Variants in ACOXL observed in about 807,000 individuals in gnomAD.
The protein encoded by ACOXL is acyl-coenzyme A oxidase-like protein.
Under a neutral mutation model 71.9 loss-of-function variants are expected in ACOXL, and 70 were observed. The observed-to-expected ratio is 0.97, with a 90% confidence interval of 0.80 to 1.19. The LOEUF (loss-of-function observed/expected upper bound fraction) is 1.19. Among genes scored for constraint, ACOXL ranks in the 50% most tolerant of loss-of-function variants. The pLI is 0.00. For missense variants in ACOXL, 703 were observed against 736.3 expected, an observed-to-expected ratio of 0.95 and a Z score of 0.52; for synonymous variants, 253 against 281.6, an observed-to-expected ratio of 0.90 and a Z score of 1.02.
chr2:111,104,980 C>A (rs2069437546), intron 17 of ACOXL, among the ~76,000 whole-genome samples: 1 of 152,016 alleles, frequency 6.6e-6, no homozygotes, highest in Admixed American at 6.6e-5. Context: ...GAGCCATGAT[C>A]CATTTTTAGT....
At chr2:111,114,822 C>G (rs796837219) in intron 17 of ACOXL, among the ~76,000 whole-genome samples, 7 of 151,880 alleles carry the variant, frequency 4.6e-5, no homozygotes, top group African/African-American at 1.2e-4. Context: ...AAATTGAGTA[C>G]TGCAACTAGA....
At chr2:110,990,400 T>C (rs898402196) in intron 13 of ACOXL, among the ~76,000 whole-genome samples, 12 of 152,242 alleles carry the variant, frequency 7.9e-5, no homozygotes, top group African/African-American at 2.9e-4. Flanking sequence ...AGAAATTTCT[T>C]TTAAATGTGT....
chr2:110,875,952 T>G (rs994016715), intron 10 of ACOXL, among the ~76,000 whole-genome samples: 1 of 152,136 alleles, frequency 6.6e-6, no homozygotes, highest in Non-Finnish European at 1.5e-5. Context: ...CCCTGGAGTC[T>G]GTGTAAATCC....
rs1239863029 is a variant in ACOXL at position 110,967,739 on chromosome 2, A to C, written c.1060-19369A>C. On this transcript the variant is annotated intron_variant, in intron 12 of 17. Transcript: ENST00000439055. ...TCAATGGTTAACACAACTACTAGAC[A>C]GCAAATCAGAAAGGATATGAAAGAA... 4 of 523,352 alleles carry C rather than the reference A, an allele frequency of 7.6e-6. No homozygotes were observed. In the African/African-American group the frequency reaches 7.7e-5, roughly 10 times the overall value. 32.4% of individuals were successfully genotyped at this position (523,352 alleles called of 1,614,324 possible).
intron 9 of ACOXL, among the ~76,000 whole-genome samples, chr2:110,827,341 AGAG>A (rs1317519071): frequency 2.0e-5 from 3 of 152,148 alleles, no homozygotes; most frequent in Non-Finnish European, 2.9e-5. Flanking sequence ...TCTAGGATGA[AGAG>A]GAATTTGAAA....
chr2:111,095,186 C>T (rs1211512553), intron 17 of ACOXL, among the ~76,000 whole-genome samples: 2 of 148,932 alleles, frequency 1.3e-5, no homozygotes, highest in Non-Finnish European at 3.0e-5. Flanking sequence ...AAAGAGAGTG[C>T]CCACTTTGGG....
At position 110,986,723 on chromosome 2, in the gene ACOXL, C is replaced by A. The variant is rs1558829724; in HGVS notation, c.1060-385C>A. ...TTATTTGTGCATTTCAATACTATTCCCCAAAGGTCTAATTGACCAGAGAAT... is the reference window on the plus strand; with the variant it reads ...TTATTTGTGCATTTCAATACTATTCACCAAAGGTCTAATTGACCAGAGAAT... On this transcript the variant is annotated intron_variant, in intron 12 of 17. Coordinates refer to ENST00000439055, the MANE Select transcript of ACOXL (RefSeq NM_001142807.4). 6.6e-5 allele frequency among the ~76,000 whole-genome samples: 10 copies of A among 152,076 alleles called. 1 individual carries two copies. The South Asian group carries it at 2.1e-3, about 32-fold the overall frequency.
chr2:111,102,691 T>C (rs2069254232), intron 17 of ACOXL, among the ~76,000 whole-genome samples: 1 of 152,030 alleles, frequency 6.6e-6, no homozygotes, highest in African/African-American at 2.4e-5. Flanking sequence ...CTGAGTCCAA[T>C]CAGACTCCAG....
intron 12 of ACOXL, among the ~76,000 whole-genome samples, chr2:110,984,107 A>G (rs1168633183): frequency 6.6e-6 from 1 of 152,082 alleles, no homozygotes; most frequent in African/African-American, 2.4e-5. Context: ...TGGCCTCCCA[A>G]AGTGCTGGGA....
intron 11 of ACOXL, among the ~76,000 whole-genome samples, chr2:110,914,212 A>C (rs2059755025): frequency 6.6e-6 from 1 of 152,188 alleles, no homozygotes; most frequent in Non-Finnish European, 1.5e-5. Flanking sequence ...AAATCAGGTT[A>C]TGTGAGTCTT....
At chr2:111,000,335 A>G (rs1448062576) in intron 14 of ACOXL, among the ~76,000 whole-genome samples, 2 of 152,170 alleles carry the variant, frequency 1.3e-5, no homozygotes, top group African/African-American at 4.8e-5. Flanking sequence ...CCGCAAGTTG[A>G]AGGTGTTGCC....
At chr2:110,801,615 T>A in intron 7 of ACOXL, 37 bp from the exon 8 acceptor site, 1 of 1,572,036 alleles carries the variant, frequency 6.4e-7, no homozygotes, top group Non-Finnish European at 8.8e-7. Flanking sequence ...AAAATACTTC[T>A]GATGCTGCAT....
At chr2:111,057,913 C>T (rs1324820694) in intron 16 of ACOXL, among the ~76,000 whole-genome samples, 1 of 152,234 alleles carries the variant, frequency 6.6e-6, no homozygotes, top group East Asian at 1.9e-4. Flanking sequence ...TTCAGAAAAG[C>T]AGCGAGCCGC....
At chr2:110,907,913 T>C (rs2059514935) in intron 10 of ACOXL, among the ~76,000 whole-genome samples, 2 of 152,244 alleles carry the variant, frequency 1.3e-5, no homozygotes, top group South Asian at 4.1e-4. Flanking sequence ...CCCATTGGTG[T>C]GTGAAGCAAA....
At chr2:110,911,635 A>G (rs2059654637) in intron 11 of ACOXL, among the ~76,000 whole-genome samples, 2 of 152,128 alleles carry the variant, frequency 1.3e-5, no homozygotes, top group Non-Finnish European at 2.9e-5. Context: ...CCATAGATGC[A>G]GAAAAAGTAT....
At chr2:111,095,347 T>C (rs1482662288) in intron 17 of ACOXL, among the ~76,000 whole-genome samples, 1 of 151,954 alleles carries the variant, frequency 6.6e-6, no homozygotes, top group Non-Finnish European at 1.5e-5. Flanking sequence ...GAAATGAACT[T>C]TCATATAAAA....
intron 13 of ACOXL, 34 bp downstream of exon 13, chr2:110,987,251 C>T (rs1219396781): frequency 2.6e-6 from 4 of 1,536,076 alleles, no homozygotes; most frequent in Admixed American, 2.0e-5. Flanking sequence ...CATCTGCCTT[C>T]AGTGGGTTAT....
intron 14 of ACOXL, 85 bp downstream of exon 14, chr2:110,996,089 G>A (rs1250287895): frequency 1.7e-6 from 2 of 1,165,536 alleles, no homozygotes; most frequent in Non-Finnish European, 2.6e-6. Context: ...AAGTTTAGTA[G>A]AGGATGAGTC....
chr2:111,017,775 C>T (rs547951912), intron 14 of ACOXL: 2 of 152,410 alleles, frequency 1.3e-5, no homozygotes, highest in Admixed American at 1.3e-4. Context: ...GCCCCTCCTT[C>T]CCTGCTTGCC....
Sources: gnomAD v4.1 joint callset for allele counts (sites outside exome capture counted in the v4.1 genomes callset) on GRCh38, gnomAD v4.1.1 for gene constraint, MANE v1.5 for transcripts, NCBI Gene and HGNC (gene_info 2026-07-23, HGNC 2026-07-21) for gene names.